Variants in TIMM22 observed in about 807,000 individuals in gnomAD.
The protein encoded by TIMM22 is mitochondrial import inner membrane translocase subunit Tim22.
TIMM22 carries 12 observed loss-of-function variants against 18.3 expected under a neutral mutation model. That is an observed-to-expected ratio of 0.65 (90% CI 0.42 to 1.06). The LOEUF (loss-of-function observed/expected upper bound fraction) is 1.06. Ranked by LOEUF, TIMM22 falls within the 50% of genes least tolerant of loss-of-function variation. The probability of loss-of-function intolerance (pLI) is 0.00; values close to 1 mark genes in which losing one functional copy is unlikely to be tolerated. For synonymous variants in TIMM22, 107 were observed against 98.5 expected (o/e 1.09, Z -0.51); for missense variants, 278 against 252.8 (o/e 1.10, Z -0.68).
intron 1 of TIMM22, among the ~76,000 whole-genome samples, chr17:997,945 C>T (rs1214145239): frequency 6.6e-6 from 1 of 152,164 alleles, no homozygotes; most frequent in Non-Finnish European, 1.5e-5. Context: ...GAGACAAGAG[C>T]CTGGTCTTCA....
chr17:997,200 G>A lies in TIMM22; in HGVS notation c.58G>A (p.Glu20Lys), dbSNP rs1352109809. ...GSAPETAGSA[E>K]APLQYSLLLQ... ...GGCCCCTGAGACAGCGGGTTCCGCCGAAGCTCCGCTGCAGTACAGCCTGCT... is the reference window on the plus strand; with the variant it reads ...GGCCCCTGAGACAGCGGGTTCCGCCAAAGCTCCGCTGCAGTACAGCCTGCT... Residue 20 changes from glutamate to lysine, a missense_variant, in exon 1 of 4, where the codon GAA becomes AAA. By Grantham distance (56) the Glu-to-Lys change is moderately conservative. Transcript: ENST00000327158. 4 of 1,612,384 alleles carry A rather than the reference G, an allele frequency of 2.5e-6. No homozygotes were observed. Among genetic ancestry groups the A allele is most frequent in the Non-Finnish European group, 3.4e-6 (4 of 1,179,828 alleles).
Position 998,853 on chromosome 17 carries a change from C to G in TIMM22, c.313C>G (p.Pro105Ala). The change falls in exon 2 of 4, where the codon CCT (proline) becomes GCT (alanine). Residue 105 changes from proline (P) to alanine (A), a missense_variant. Pro to Ala is a conservative substitution (Grantham distance 27, BLOSUM62 -1). Coordinates refer to ENST00000327158, the MANE Select transcript of TIMM22 (RefSeq NM_013337.4). ...DTNVGFDPKD[P>A]YRTPTAKEVL... Reference sequence around the variant, plus strand: ...CAACGTGGGCTTTGACCCTAAGGATCCTTACCGTACACCGACTGCAAAAGA... The same window carrying G: ...CAACGTGGGCTTTGACCCTAAGGATGCTTACCGTACACCGACTGCAAAAGA... 6.2e-7 allele frequency: 1 copy of G among 1,614,116 alleles called. No homozygotes were observed. Among genetic ancestry groups the G allele is most frequent in the Non-Finnish European group, 8.5e-7 (1 of 1,180,030 alleles).
chr17:1,003,535 G>A lies in TIMM22; in HGVS notation c.*2447G>A, dbSNP rs1216738465. On this transcript the variant is annotated 3_prime_UTR_variant, in exon 4 of 4. Transcript: ENST00000327158. ...CCACAGGGCTGAGTTTTGTGCAAAT[G>A]ATGGGGCTTTGCATTTTTTATTAAC... 1 of 152,634 alleles carries A rather than the reference G, an allele frequency of 6.6e-6. No homozygotes were observed. The allele number at this position is 152,634 out of a possible 1,614,324, so 9.5% of individuals were successfully genotyped here. A position where few individuals can be genotyped will look rare whatever the true frequency, so the allele number is the denominator to read the frequency against.
At chr17:1,000,836 G>A (rs146825166) in intron 3 of TIMM22, among the ~76,000 whole-genome samples, 176 bp from the exon 4 acceptor site, 39 of 152,316 alleles carry the variant, frequency 2.6e-4, no homozygotes, top group Middle Eastern at 3.4e-3. Flanking sequence ...TAGATAAAGC[G>A]CACTGGATTA....
chr17:1,002,216 C>T lies in TIMM22; in HGVS notation c.*1128C>T, dbSNP rs182488829. 6 of 151,726 alleles carry T rather than the reference C, an allele frequency of 4.0e-5. No homozygotes were observed. The East Asian group carries it at 1.2e-3, about 29-fold the overall frequency. The allele number at this position is 151,726 out of a possible 1,614,324, so 9.4% of individuals were successfully genotyped here. On this transcript the variant is annotated 3_prime_UTR_variant, in exon 4 of 4. Coordinates refer to ENST00000327158, the MANE Select transcript of TIMM22 (RefSeq NM_013337.4). The stretch of plus-strand genomic sequence containing the variant: ...ACTGGTGCTGCTTTACCCTGGTGCT[C>T]TGTGGGGGGATGACACTGCTGGAGT...
At chr17:999,358 T>TATATATATATATACAC (rs1408779709) in intron 2 of TIMM22, among the ~76,000 whole-genome samples, 154 bp from the exon 3 acceptor site, 13 of 132,608 alleles carry the variant, frequency 9.8e-5, no homozygotes, top group African/African-American at 3.5e-4. Flanking sequence ...TATATATATA[T>TATATATATATATACAC]ACACGCTGTA....
Position 1,002,522 on chromosome 17 carries a change from A to G in TIMM22, c.*1434A>G, listed in dbSNP as rs1348590392. ...ACACCTTCCTTGGGTCATGTTTGCCATTTTCTTGGAATGAATGTGAGTTCC... is the reference window on the plus strand; with the variant it reads ...ACACCTTCCTTGGGTCATGTTTGCCGTTTTCTTGGAATGAATGTGAGTTCC... On this transcript the variant is annotated 3_prime_UTR_variant, in exon 4 of 4. Coordinates refer to ENST00000327158, the MANE Select transcript of TIMM22 (RefSeq NM_013337.4). The G allele has an allele frequency of 1.3e-5, 2 of 152,046 alleles. No homozygotes were observed. The highest frequency in any genetic ancestry group is 2.4e-5 in the African/African-American group (1 of 41,374). The allele number at this position is 152,046 out of a possible 1,614,324, so 9.4% of individuals were successfully genotyped here. A position where few individuals can be genotyped will look rare whatever the true frequency, so the allele number is the denominator to read the frequency against.
intron 2 of TIMM22, 21 bp from the exon 3 acceptor site, chr17:999,491 C>A: frequency 1.2e-6 from 2 of 1,612,594 alleles, no homozygotes; most frequent in Non-Finnish European, 1.7e-6. Flanking sequence ...TTGGCTCTAA[C>A]GTGTACTTCC....
chr17:999,789 G>A (rs1455776008), intron 3 of TIMM22, among the ~76,000 whole-genome samples: 14 of 152,024 alleles, frequency 9.2e-5, no homozygotes, highest in Non-Finnish European at 1.0e-4. Context: ...CTGACATTTC[G>A]ACCAGACGAA....
In TIMM22 at chr17:1,001,913, C is replaced by G. The variant is rs1433607647; in HGVS notation, c.*825C>G. 1 of 152,188 alleles carries G rather than the reference C, an allele frequency of 6.6e-6. No individual in the cohort carries two copies. Among genetic ancestry groups the G allele is most frequent in the Non-Finnish European group, 1.5e-5 (1 of 68,066 alleles). The allele number at this position is 152,188 out of a possible 1,614,324, so 9.4% of individuals were successfully genotyped here. A position where few individuals can be genotyped will look rare whatever the true frequency, so the allele number is the denominator to read the frequency against. On this transcript the variant is annotated 3_prime_UTR_variant, in exon 4 of 4. Transcript: ENST00000327158. ...CCTCCTGTGCCGGCCGAGAGGCACA[C>G]ACTGCCTTCACGACGTGACTGCTGG...
At chr17:1,000,928 A>T in intron 3 of TIMM22, 84 bp from the exon 4 acceptor site, 1 of 1,368,202 alleles carries the variant, frequency 7.3e-7, no homozygotes, top group Non-Finnish European at 1.0e-6. Flanking sequence ...ATTTCATGAC[A>T]CTGAGGGTGT....
rs1429889201 is a variant in TIMM22 at position 1,001,144 on chromosome 17, G to A, written c.*56G>A. Reference sequence around the variant, plus strand: ...AGCCCCGGATCCGGGCTGCTCTCTGGAGGACAGTTTCTGTACCACACCAGG... The same window carrying A: ...AGCCCCGGATCCGGGCTGCTCTCTGAAGGACAGTTTCTGTACCACACCAGG... On this transcript the variant is annotated 3_prime_UTR_variant, in exon 4 of 4. Transcript: ENST00000327158. The A allele has an allele frequency of 1.3e-6, 2 of 1,587,248 alleles. No individual in the cohort carries two copies. Among genetic ancestry groups the A allele is most frequent in the East Asian group, 2.2e-5 (1 of 44,650 alleles).
At chr17:997,716 G>A (rs1225238825) in intron 1 of TIMM22, among the ~76,000 whole-genome samples, 2 of 152,202 alleles carry the variant, frequency 1.3e-5, no homozygotes, top group African/African-American at 4.8e-5. Flanking sequence ...GGGAGGTTGA[G>A]GCAGGAGAAT....
rs1037724658 is a variant in TIMM22 at position 1,001,472 on chromosome 17, C to T, written c.*384C>T. On this transcript the variant is annotated 3_prime_UTR_variant, in exon 4 of 4. Transcript: ENST00000327158. ...CTCTGCAGGCACTCAGGAAGCTGTT[C>T]TACCTTGGAACTCCATGCAACTATC... 3 of 207,464 alleles carry T rather than the reference C, an allele frequency of 1.4e-5. No homozygotes were observed. Among genetic ancestry groups the T allele is most frequent in the Admixed American group, 5.4e-5 (1 of 18,678 alleles). The allele number at this position is 207,464 out of a possible 1,614,324, so 12.9% of individuals were successfully genotyped here.
chr17:997,148 G>A lies in TIMM22; in HGVS notation c.6G>A (p.Ala2=), dbSNP rs774479973. M[A]AAAPNAGGSA... ...TTGCTTGGGCAGCGACTGTCATGGC[G>A]GCGGCCGCCCCCAATGCCGGAGGCT... Residue 2 remains alanine (A), a synonymous_variant, in exon 1 of 4, where the codon GCG becomes GCA. Coordinates refer to ENST00000327158, the MANE Select transcript of TIMM22 (RefSeq NM_013337.4). 5.0e-6 allele frequency: 8 copies of A among 1,608,734 alleles called. No individual in the cohort carries two copies. Among genetic ancestry groups the A allele is most frequent in the Non-Finnish European group, 5.1e-6 (6 of 1,178,828 alleles).
Position 999,551 on chromosome 17 carries a change from G to A in TIMM22, c.475G>A (p.Gly159Ser). 6.2e-7 allele frequency: 1 copy of A among 1,613,576 alleles called. No homozygotes were observed. Among genetic ancestry groups the A allele is most frequent in the Non-Finnish European group, 8.5e-7 (1 of 1,179,848 alleles). Residue 159 changes from glycine to serine, a missense_variant, in exon 3 of 4, where the codon GGC becomes AGC. Gly to Ser is a moderately conservative substitution (Grantham distance 56). Coordinates refer to ENST00000327158, the MANE Select transcript of TIMM22 (RefSeq NM_013337.4). ...TSDWKNSVIS[G>S]CITGGAIGFR... The stretch of plus-strand genomic sequence containing the variant: ...AGACTGGAAGAACAGTGTCATCAGT[G>A]GCTGCATCACGGGAGGAGCTATTGG...
intron 1 of TIMM22, among the ~76,000 whole-genome samples, chr17:998,470 G>C (rs2069707018): frequency 6.6e-6 from 1 of 152,228 alleles, no homozygotes; most frequent in African/African-American, 2.4e-5. Flanking sequence ...GATTTGCAAA[G>C]TTGATAGCTG....
chr17:999,046 C>G (rs2069713535), intron 2 of TIMM22, 71 bp downstream of exon 2: 1 of 1,486,174 alleles, frequency 6.7e-7, no homozygotes, highest in African/African-American at 1.4e-5. Context: ...AGAAATTGCT[C>G]TTTAAAAGTC....
At chr17:999,923 C>T (rs3863496) in intron 3 of TIMM22, among the ~76,000 whole-genome samples, 106,594 of 151,528 alleles carry the variant, frequency 0.7, 38,143 homozygotes, top group Middle Eastern at 0.8. Context: ...TTAAAGAGAC[C>T]GAATCTCACT....
Sources: allele counts gnomAD v4.1 joint callset (sites outside exome capture counted in the v4.1 genomes callset), GRCh38; gene constraint gnomAD v4.1.1; transcripts MANE v1.5; gene names NCBI Gene and HGNC (gene_info 2026-07-23, HGNC 2026-07-21).